The following SLC23A2 variants were observed in gnomAD, a reference collection of about 807,000 sequenced individuals.
SLC23A2 encodes the protein Na(+)/L-ascorbic acid transporter 2.
In SLC23A2, 36 loss-of-function variants were observed where a neutral mutation model predicts 73.3. That is an observed-to-expected ratio of 0.49 (90% CI 0.38 to 0.65). SLC23A2 has a LOEUF of 0.65. Among genes scored for constraint, SLC23A2 ranks in the 30% least tolerant of loss-of-function variants. The pLI is 0.00. For synonymous variants in SLC23A2, 343 were observed against 327.3 expected (o/e 1.05, Z -0.52); for missense variants, 507 against 841.6 (o/e 0.60, Z 4.92).
intron 4 of SLC23A2, among the ~76,000 whole-genome samples, chr20:4,904,465 CA>C (rs11087661): frequency 1.3e-5 from 2 of 149,772 alleles, no homozygotes; most frequent in East Asian, 1.9e-4. Flanking sequence ...AAAAAACAAA[CA>C]AAAAAAAAAC....
intron 1 of SLC23A2, among the ~76,000 whole-genome samples, chr20:4,974,114 C>G (rs2087607479): frequency 6.6e-6 from 1 of 152,048 alleles, no homozygotes; most frequent in Admixed American, 6.6e-5. Context: ...TTTGAACAGC[C>G]AAATCATTCT....
chr20:4,897,614 T>G (rs1931592240), intron 6 of SLC23A2, among the ~76,000 whole-genome samples: 1 of 152,048 alleles, frequency 6.6e-6, no homozygotes, highest in Non-Finnish European at 1.5e-5. Context: ...AGCAGGGAGG[T>G]GAACCACGCT....
At chr20:4,864,267 C>T (rs1930103824) in intron 13 of SLC23A2, among the ~76,000 whole-genome samples, 1 of 152,106 alleles carries the variant, frequency 6.6e-6, no homozygotes, top group Non-Finnish European at 1.5e-5. Flanking sequence ...TCACGTACAC[C>T]GGCCACATCT....
At chr20:4,890,380 T>C (rs1931285581) in intron 6 of SLC23A2, among the ~76,000 whole-genome samples, 1 of 152,096 alleles carries the variant, frequency 6.6e-6, no homozygotes, top group South Asian at 2.1e-4. Context: ...AGGCCAGGCG[T>C]GGTGGCTCAT....
chr20:4,960,311 G>A (rs2087360646), intron 2 of SLC23A2, among the ~76,000 whole-genome samples: 1 of 152,180 alleles, frequency 6.6e-6, no homozygotes, highest in Admixed American at 6.5e-5. Context: ...TGTTGACAGA[G>A]AAGAAAATTG....
At chr20:5,003,529 T>C (rs1369434600), upstream of SLC23A2, among the ~76,000 whole-genome samples, 1 of 151,720 alleles carries the variant, frequency 6.6e-6, no homozygotes, top group Non-Finnish European at 1.5e-5. Context: ...TTTTTTTTTT[T>C]AATACGATGT....
Position 4,867,990 on chromosome 20 carries a change from A to G in SLC23A2, c.1251-115T>C, listed in dbSNP as rs974775858. ...ATGTGGTCCAGAGCCTGCAGCTTCC[A>G]CATCTCCTGGGAGCTGGGAGGGCGA... On this transcript the variant is annotated intron_variant, in intron 12 of 16. Coordinates refer to ENST00000338244, the MANE Select transcript of SLC23A2 (RefSeq NM_005116.6). 1.5e-4 allele frequency: 90 copies of G among 610,420 alleles called. 1 individual carries two copies. The highest frequency in any genetic ancestry group is 2.7e-4 in the Admixed American group (9 of 32,802). The allele number at this position is 610,420 out of a possible 1,614,324, so 37.8% of individuals were successfully genotyped here.
chr20:4,916,680 C>A (rs1237748125), intron 3 of SLC23A2, among the ~76,000 whole-genome samples: 2 of 152,198 alleles, frequency 1.3e-5, no homozygotes, highest in East Asian at 3.8e-4. Flanking sequence ...TGATCCCCAA[C>A]TTAAATGGTT....
chr20:4,881,486 G>A lies in SLC23A2; in HGVS notation c.824+2156C>T, dbSNP rs1369760727. On this transcript the variant is annotated intron_variant, in intron 9 of 16. Transcript: ENST00000338244. ...TTTCTTACTTTTTGTTTTAATTTGG[G>A]GGGAGGTAACAGTTTTGCTCCCTCT... Among the ~76,000 whole-genome samples, 2 of 152,244 alleles carry A rather than the reference G, an allele frequency of 1.3e-5. 1 individual carries two copies. Among genetic ancestry groups the A allele is most frequent in the Admixed American group, 1.3e-4 (2 of 15,294 alleles).
chr20:4,912,092 G>GC (rs1932175872), intron 4 of SLC23A2, among the ~76,000 whole-genome samples: 1 of 147,196 alleles, frequency 6.8e-6, no homozygotes, highest in Non-Finnish European at 1.5e-5. Context: ...CAATCTTCCC[G>GC]CCTCAGCCTC....
rs75417219 is a variant in SLC23A2, at chr20:4,918,793, G to A, written c.109-5815C>T. 1.8e-4 allele frequency among the ~76,000 whole-genome samples: 27 copies of A among 152,222 alleles called. No individual in the cohort carries two copies. In the East Asian group the frequency reaches 2.5e-3, roughly 14 times the overall value. ...AACTCAATTTCCCACTTACTATATC[G>A]TGTCTGGCCGCTAAGAGAACCACTT... On this transcript the variant is annotated intron_variant, in intron 3 of 16. Transcript: ENST00000338244.
intron 3 of SLC23A2, among the ~76,000 whole-genome samples, chr20:4,913,940 A>G (rs1249517152): frequency 2.0e-5 from 3 of 152,022 alleles, no homozygotes; most frequent in Non-Finnish European, 4.4e-5. Context: ...ATAACTAGTT[A>G]TAGGCCACTG....
chr20:4,912,259 G>T (rs1434120138), intron 4 of SLC23A2, among the ~76,000 whole-genome samples: 1 of 151,820 alleles, frequency 6.6e-6, no homozygotes, highest in African/African-American at 2.4e-5. Context: ...CCACAAACAC[G>T]ATTCTCCCCA....
rs142616219 is a variant in SLC23A2, at chr20:4,929,726, G to C, written c.108+2729C>G. ...AAATTTTAGAAGAAGTATAATTATT[G>C]CAATAAGAATTCAACACAAATACAT... On this transcript the variant is annotated intron_variant, in intron 3 of 16. Coordinates refer to ENST00000338244, the MANE Select transcript of SLC23A2 (RefSeq NM_005116.6). Among the ~76,000 whole-genome samples the C allele has an allele frequency of 2.0e-4, 31 of 152,236 alleles. No individual in the cohort carries two copies. The East Asian group carries it at 6.0e-3, about 29-fold the overall frequency.
At chr20:4,978,122 G>C (rs996016982) in intron 1 of SLC23A2, among the ~76,000 whole-genome samples, 1 of 152,090 alleles carries the variant, frequency 6.6e-6, no homozygotes, top group African/African-American at 2.4e-5. Context: ...AAAAATAGGG[G>C]CTTTGTCCAT....
chr20:5,004,377 A>G (rs1451489715), upstream of SLC23A2, among the ~76,000 whole-genome samples: 1 of 152,142 alleles, frequency 6.6e-6, no homozygotes, highest in Non-Finnish European at 1.5e-5. Context: ...TTCTCATCCA[A>G]CACAGATACT....
At chr20:4,926,510 CTTTTTTTTTT>C (rs3055953) in intron 3 of SLC23A2, among the ~76,000 whole-genome samples, 1 of 105,050 alleles carries the variant, frequency 9.5e-6, no homozygotes, top group Non-Finnish European at 1.9e-5. Context: ...ATTTTTTTTG[CTTTTTTTTTT>C]TTTTTTTTTT....
In SLC23A2 at chr20:4,883,796, G is replaced by C; in HGVS notation, c.670C>G (p.Leu224Val). Residue 224 changes from leucine (L) to valine (V), a missense_variant, in exon 9 of 17, where the codon CTG (leucine) becomes GTG (valine). Physicochemically the swap from Leu to Val is conservative, Grantham distance 32 (BLOSUM62 1). Transcript: ENST00000338244. This position sits in a 1 kb window ranked among gnomAD's most constrained non-coding sequence, Gnocchi z 4.5. Reference sequence around the variant, plus strand: ...AGGAGGCCGATGACTACTTCTATCAGTGAGGACATGATGATGGCCCCCTGG... The same window carrying C: ...AGGAGGCCGATGACTACTTCTATCACTGAGGACATGATGATGGCCCCCTGG... The part of the protein sequence containing the change: ...EIQGAIIMSS[L>V]IEVVIGLLGL... 1 of 1,612,640 alleles carries C rather than the reference G, an allele frequency of 6.2e-7. No individual in the cohort carries two copies. The highest frequency in any genetic ancestry group is 8.5e-7 in the Non-Finnish European group (1 of 1,179,326).
intron 15 of SLC23A2, among the ~76,000 whole-genome samples, chr20:4,860,483 C>A (rs111451730): frequency 1.3e-5 from 2 of 152,156 alleles, no homozygotes; most frequent in East Asian, 3.9e-4. Flanking sequence ...ACACATAAGG[C>A]GGCTATGGTG....
Sources: allele counts gnomAD v4.1 joint callset (sites outside exome capture counted in the v4.1 genomes callset), GRCh38; gene constraint gnomAD v4.1.1; non-coding constraint Gnocchi (gnomAD v3.1); transcripts MANE v1.5; gene names NCBI Gene and HGNC (gene_info 2026-07-23, HGNC 2026-07-21).